TRIM23: variants seen among roughly 807,000 people sequenced by gnomAD.
TRIM23 encodes tripartite motif containing 23, also known as E3 ubiquitin-protein ligase TRIM23.
A neutral mutation model predicts 71.0 loss-of-function variants in TRIM23; 27 were observed. That is an observed-to-expected ratio of 0.38 (90% CI 0.28 to 0.52). TRIM23 has a LOEUF of 0.52. TRIM23 is among the 20% of genes least tolerant of loss of function. The pLI is 0.84. For synonymous variants in TRIM23, 234 were observed against 238.0 expected, an observed-to-expected ratio of 0.98 and a Z score of 0.16; for missense variants, 482 against 692.3, an observed-to-expected ratio of 0.70 and a Z score of 3.41.
At position 65,590,329 on chromosome 5, in the gene TRIM23, ATTTAT is replaced by A. The variant is rs745779503; in HGVS notation, c.*1435_*1439del. On this transcript the variant is annotated 3_prime_UTR_variant, in exon 11 of 11. Coordinates refer to ENST00000231524, the MANE Select transcript of TRIM23 (RefSeq NM_001656.4). ...TGAAAAATAAAGGATGAAATATTAC[ATTTAT>A]TTATTTACATATTGCCCATAATACT... is the stretch of plus-strand genomic sequence containing the variant. 6.2e-6 allele frequency: 9 copies of A among 1,453,052 alleles called. No homozygotes were observed. In the African/African-American group the frequency reaches 1.1e-4, roughly 18 times the overall value. The allele number at this position is 1,453,052 out of a possible 1,614,324, so 90.0% of individuals were successfully genotyped here.
chr5:65,622,472 C>T (rs542552211), intron 1 of TRIM23, among the ~76,000 whole-genome samples: 18 of 152,290 alleles, frequency 1.2e-4, no homozygotes, highest in African/African-American at 3.8e-4. Context: ...TGTGCCACCG[C>T]GCCTAGCCAC....
Position 65,589,711 on chromosome 5 carries a change from G to A in TRIM23, c.*2058C>T, listed in dbSNP as rs966355670. 2.6e-5 allele frequency: 4 copies of A among 152,240 alleles called. No homozygotes were observed. Among genetic ancestry groups the A allele is most frequent in the Admixed American group, 6.6e-5 (1 of 15,234 alleles). The allele number at this position is 152,240 out of a possible 1,614,324, so 9.4% of individuals were successfully genotyped here. Reference sequence around the variant, plus strand: ...AAAATGATCTTAACATTTTATTGCTGTCTATACTTATCATATATGTAGTGC... The same window carrying A: ...AAAATGATCTTAACATTTTATTGCTATCTATACTTATCATATATGTAGTGC... On this transcript the variant is annotated 3_prime_UTR_variant, in exon 11 of 11. Transcript: ENST00000231524.
At chr5:65,606,964 A>G (rs1754523599) in intron 6 of TRIM23, 2 of 152,206 alleles carry the variant, frequency 1.3e-5, no homozygotes, top group Admixed American at 1.3e-4. Context: ...GTTCACTGAT[A>G]TATTTTAAAT....
rs376522359 is a variant in TRIM23 at position 65,590,340 on chromosome 5, T to C, written c.*1429A>G. 3.4e-6 allele frequency: 5 copies of C among 1,467,322 alleles called. No individual in the cohort carries two copies. Among genetic ancestry groups the C allele is most frequent in the Non-Finnish European group, 4.7e-6 (5 of 1,074,952 alleles). The allele number at this position is 1,467,322 out of a possible 1,614,324, so 90.9% of individuals were successfully genotyped here. On this transcript the variant is annotated 3_prime_UTR_variant, in exon 11 of 11. Coordinates refer to ENST00000231524, the MANE Select transcript of TRIM23 (RefSeq NM_001656.4). ...GGATGAAATATTACATTTATTTATT[T>C]ACATATTGCCCATAATACTGATAGG...
chr5:65,604,755 T>C, intron 7 of TRIM23, 156 bp downstream of exon 7: 1 of 578,876 alleles, frequency 1.7e-6, no homozygotes, highest in South Asian at 4.3e-5. Context: ...GCTGCCGAAG[T>C]GAGCACACCA....
Position 65,590,305 on chromosome 5 carries a change from G to C in TRIM23, c.*1464C>G. 1 of 1,417,154 alleles carries C rather than the reference G, an allele frequency of 7.1e-7. No individual in the cohort carries two copies. The highest frequency in any genetic ancestry group is 9.8e-7 in the Non-Finnish European group (1 of 1,024,838). 87.8% of individuals were successfully genotyped at this position (1,417,154 alleles called of 1,614,324 possible). A position where few individuals can be genotyped will look rare whatever the true frequency, so the allele number is the denominator to read the frequency against. ...CCTGTAACAGCATGACCTTTTACCT[G>C]AAAAATAAAGGATGAAATATTACAT... is the stretch of plus-strand genomic sequence containing the variant. On this transcript the variant is annotated 3_prime_UTR_variant, in exon 11 of 11. Transcript: ENST00000231524.
At chr5:65,623,887 A>G (rs1755029047) in intron 1 of TRIM23, among the ~76,000 whole-genome samples, 1 of 152,240 alleles carries the variant, frequency 6.6e-6, no homozygotes, top group Non-Finnish European at 1.5e-5. Flanking sequence ...TAAGCTAATT[A>G]ATGTCTGTTG....
At chr5:65,617,926 G>A (rs757530975) in intron 2 of TRIM23, among the ~76,000 whole-genome samples, 167 bp downstream of exon 2, 16 of 152,214 alleles carry the variant, frequency 1.1e-4, no homozygotes, top group Non-Finnish European at 2.1e-4. Context: ...CTAAGAGTGA[G>A]ATAGTTTATA....
At chr5:65,601,195 G>A (rs974999796) in intron 7 of TRIM23, among the ~76,000 whole-genome samples, 8 of 152,170 alleles carry the variant, frequency 5.3e-5, no homozygotes, top group Admixed American at 4.6e-4. Context: ...GTACACTCAC[G>A]TACACAGCAG....
intron 7 of TRIM23, among the ~76,000 whole-genome samples, chr5:65,602,974 T>C (rs912110825): frequency 3.3e-5 from 5 of 152,170 alleles, no homozygotes; most frequent in Admixed American, 2.0e-4. Context: ...TGGAATATTA[T>C]TCAGCTTTAA....
chr5:65,610,667 T>A (rs531666883), intron 5 of TRIM23, among the ~76,000 whole-genome samples, 194 bp downstream of exon 5: 2 of 152,210 alleles, frequency 1.3e-5, no homozygotes, highest in African/African-American at 4.8e-5. Flanking sequence ...TTCTCCTCCA[T>A]AAAATAGTTA....
rs773664672 is a variant in TRIM23 at position 65,591,930 on chromosome 5, A to T, written c.1564T>A (p.Ser522Thr). The T allele has an allele frequency of 1.1e-5, 17 of 1,613,484 alleles. No individual in the cohort carries two copies. Among genetic ancestry groups the T allele is most frequent in the Non-Finnish European group, 1.4e-5 (16 of 1,179,708 alleles). ...ANKQDVAGALSVEEITELLSL... is the reference protein window; with the variant it reads ...ANKQDVAGALTVEEITELLSL... ...AGTAGTTCAGTGATTTCTTCTACTG[A>T]CAGTGCTCCAGCAACATCCTGAAAG... The change falls in exon 11 of 11, where the codon TCA (serine) becomes ACA (threonine). Residue 522 changes from serine to threonine, a missense_variant. Transcript: ENST00000231524.
chr5:65,590,382 T>G lies in TRIM23; in HGVS notation c.*1387A>C. The G allele has an allele frequency of 6.9e-7, 1 of 1,447,540 alleles. No homozygotes were observed. The highest frequency in any genetic ancestry group is 9.1e-7 in the Non-Finnish European group (1 of 1,093,722). The allele number at this position is 1,447,540 out of a possible 1,614,324, so 89.7% of individuals were successfully genotyped here. A position where few individuals can be genotyped will look rare whatever the true frequency, so the allele number is the denominator to read the frequency against. On this transcript the variant is annotated 3_prime_UTR_variant, in exon 11 of 11. Coordinates refer to ENST00000231524, the MANE Select transcript of TRIM23 (RefSeq NM_001656.4). Reference sequence around the variant, plus strand: ...ACTGATAGGCTTTTTTTTTAATGCTTTGTTTTCTAAAACTTGTATTGTTTT... The same window carrying G: ...ACTGATAGGCTTTTTTTTTAATGCTGTGTTTTCTAAAACTTGTATTGTTTT...
chr5:65,604,953 A>G lies in TRIM23; in HGVS notation c.1137T>C (p.Asp379=). 1.2e-6 allele frequency: 2 copies of G among 1,613,998 alleles called. No homozygotes were observed. Among genetic ancestry groups the G allele is most frequent in the Non-Finnish European group, 1.7e-6 (2 of 1,179,942 alleles). Reference sequence around the variant, plus strand: ...GGATGCTGGCATCCAACTGAATGTGATCTGCAACTTCTGTAAACTGCTGCT... The same window carrying G: ...GGATGCTGGCATCCAACTGAATGTGGTCTGCAACTTCTGTAAACTGCTGCT... ...KQQQQFTEVA[D]HIQLDASIPV... is the part of the protein sequence containing the mutation. The change falls in exon 7 of 11, where the codon GAT becomes GAC. Residue 379 remains aspartate (D), a synonymous_variant. Coordinates refer to ENST00000231524, the MANE Select transcript of TRIM23 (RefSeq NM_001656.4).
chr5:65,622,155 C>A (rs990367603), intron 1 of TRIM23, among the ~76,000 whole-genome samples: 1 of 151,778 alleles, frequency 6.6e-6, no homozygotes, highest in Non-Finnish European at 1.5e-5. Context: ...AGTTATTTCA[C>A]AATATCAGAT....
intron 10 of TRIM23, among the ~76,000 whole-genome samples, chr5:65,593,768 CTT>C (rs1754108956): frequency 6.6e-6 from 1 of 152,180 alleles, no homozygotes; most frequent in Admixed American, 6.5e-5. Context: ...GCCTCAAAGT[CTT>C]TTCCATCTGC....
intron 7 of TRIM23, among the ~76,000 whole-genome samples, chr5:65,601,645 A>G (rs1289225700): frequency 2.0e-5 from 3 of 152,184 alleles, no homozygotes; most frequent in Non-Finnish European, 4.4e-5. Flanking sequence ...AATCTCAAGC[A>G]TATCATTCTG....
At chr5:65,620,711 T>C (rs2150644650) in intron 1 of TRIM23, among the ~76,000 whole-genome samples, 1 of 152,332 alleles carries the variant, frequency 6.6e-6, no homozygotes, top group East Asian at 1.9e-4. Context: ...CGTATAATTC[T>C]GTCTATTATT....
Position 65,599,792 on chromosome 5 carries a change from G to A in TRIM23, c.1180-2612C>T, listed in dbSNP as rs60128031. Among the ~76,000 whole-genome samples, 942 of 152,062 alleles carry A rather than the reference G, an allele frequency of 6.2e-3. 11 individuals are homozygous for A. Among genetic ancestry groups the A allele is most frequent in the African/African-American group, 0.022 (902 of 41,498 alleles). On this transcript the variant is annotated intron_variant, in intron 7 of 10. Transcript: ENST00000231524. ...GACCCTGAATAGCCAAAACAATTTT[G>A]AAAAAGAAAAAAGTTGGAGGACTCA...
Sources: gnomAD v4.1 joint callset for allele counts (sites outside exome capture counted in the v4.1 genomes callset) on GRCh38, gnomAD v4.1.1 for gene constraint, MANE v1.5 for transcripts, NCBI Gene and HGNC (gene_info 2026-07-23, HGNC 2026-07-21) for gene names.